TACC2: variants seen among roughly 807,000 people sequenced by gnomAD.
TACC2 encodes transforming acidic coiled-coil-containing protein 2.
TACC2 carries 137 observed loss-of-function variants against 227.3 expected under a neutral mutation model. The observed-to-expected ratio is 0.60, with a 90% CI of 0.52 to 0.69. TACC2 has a LOEUF of 0.69. Ranked by LOEUF, TACC2 falls within the 30% of genes least tolerant of loss-of-function variation. The probability of loss-of-function intolerance (pLI) is 0.00; values close to 1 mark genes in which losing one functional copy is unlikely to be tolerated. For synonymous variants in TACC2, 1,523 were observed against 1,487.5 expected, an observed-to-expected ratio of 1.02 and a Z score of -0.55; for missense variants, 3,470 against 3,694.4, an observed-to-expected ratio of 0.94 and a Z score of 1.57.
intron 11 of TACC2, among the ~76,000 whole-genome samples, chr10:122,217,378 C>T (rs1418615565): frequency 1.3e-5 from 2 of 151,468 alleles, no homozygotes; most frequent in African/African-American, 4.8e-5. Context: ...TTGCTTATCT[C>T]AATATCCTTC....
chr10:122,233,661 G>A (rs2095801638), intron 16 of TACC2, among the ~76,000 whole-genome samples: 1 of 152,218 alleles, frequency 6.6e-6, no homozygotes, highest in Admixed American at 6.5e-5. Flanking sequence ...AGGTTCAAAA[G>A]GAGGGAGACG....
chr10:122,235,141 C>T (rs2095833523), intron 16 of TACC2, among the ~76,000 whole-genome samples: 1 of 152,194 alleles, frequency 6.6e-6, no homozygotes, highest in Non-Finnish European at 1.5e-5. Context: ...GGCTGGAGTG[C>T]AGTGGCGCGA....
chr10:122,089,299 C>T lies in TACC2; in HGVS notation c.5573+708C>T, dbSNP rs113201254. On this transcript the variant is annotated intron_variant, in intron 5 of 22. Transcript: ENST00000369005. The stretch of plus-strand genomic sequence containing the variant: ...ATCATACCCCAGCCCCCACACCCGC[C>T]GCATCATCTCTAGGCACCCATTCAT... Among the ~76,000 whole-genome samples the T allele has an allele frequency of 8.5e-5, 13 of 152,264 alleles. 1 individual carries two copies. The highest frequency in any genetic ancestry group is 3.1e-4 in the African/African-American group (13 of 41,550).
intron 3 of TACC2, among the ~76,000 whole-genome samples, chr10:122,075,200 A>AAAGAAAG (rs1554997868): frequency 2.2e-4 from 27 of 122,374 alleles, no homozygotes; most frequent in Admixed American, 5.6e-4. Context: ...AAAAAAAAAA[A>AAAGAAAG]AAAGAAAGAA....
At chr10:122,057,524 C>T (rs963459616) in intron 3 of TACC2, among the ~76,000 whole-genome samples, 8 of 151,962 alleles carry the variant, frequency 5.3e-5, no homozygotes, top group South Asian at 2.1e-4. Context: ...TAAGTTTGGC[C>T]GGGCACGGTG....
chr10:122,017,479 G>T (rs1344638448), intron 1 of TACC2, among the ~76,000 whole-genome samples: 1 of 151,558 alleles, frequency 6.6e-6, no homozygotes, highest in Non-Finnish European at 1.5e-5. Context: ...TTCCCAATTG[G>T]CTCATTCAAG....
Position 122,210,622 on chromosome 10 carries a change from T to C in TACC2, c.6197T>C (p.Val2066Ala). 6.2e-7 allele frequency: 1 copy of C among 1,613,888 alleles called. No individual in the cohort carries two copies. The highest frequency in any genetic ancestry group is 8.5e-7 in the Non-Finnish European group (1 of 1,179,974). ...GACGCTAAGAATCAGGAGGGCAAAG[T>C]GAACACACGGAGGAAGTCCACGGAT... ...ASDAKNQEGK[V>A]NTRRKSTDSV... Residue 2066 changes from valine to alanine, a missense_variant, in exon 9 of 23, where the codon GTG (valine) becomes GCG (alanine). Val to Ala is a moderately conservative substitution (Grantham distance 64). Transcript: ENST00000369005. This position sits in a 1 kb window ranked among gnomAD's most constrained non-coding sequence, Gnocchi z 4.6.
At chr10:122,182,797 A>G (rs757347400) in intron 7 of TACC2, among the ~76,000 whole-genome samples, 13 of 152,172 alleles carry the variant, frequency 8.5e-5, no homozygotes, top group Non-Finnish European at 1.9e-4. Context: ...GCGTGGAGAA[A>G]GAAAGGTAGA....
At chr10:122,235,150 G>T (rs564889683) in intron 16 of TACC2, among the ~76,000 whole-genome samples, 1 of 152,140 alleles carries the variant, frequency 6.6e-6, no homozygotes, top group Non-Finnish European at 1.5e-5. Context: ...GCAGTGGCGC[G>T]ATCTCAGCTC....
Position 122,084,460 on chromosome 10 carries a change from G to T in TACC2, c.1960G>T (p.Ala654Ser), listed in dbSNP as rs1161001710. The T allele has an allele frequency of 1.2e-6, 2 of 1,613,076 alleles. No homozygotes were observed. Among genetic ancestry groups the T allele is most frequent in the Non-Finnish European group, 1.7e-6 (2 of 1,180,014 alleles). ...TDGPHSQTAE[A>S]DASGLPHKLG... The stretch of plus-strand genomic sequence containing the variant: ...CGGGCCCCACTCTCAGACAGCAGAG[G>T]CTGATGCATCTGGCCTACCACACAA... Residue 654 changes from alanine to serine, a missense_variant, in exon 4 of 23, where the codon GCT (alanine) becomes TCT (serine). Transcript: ENST00000369005.
At chr10:122,000,063 T>C (rs577256698) in intron 1 of TACC2, among the ~76,000 whole-genome samples, 3 of 152,318 alleles carry the variant, frequency 2.0e-5, no homozygotes, top group African/African-American at 7.2e-5. Context: ...ACACCAGGTC[T>C]CATGTATGAA....
At chr10:122,048,032 G>A (rs77119292) in intron 2 of TACC2, among the ~76,000 whole-genome samples, 4,314 of 152,318 alleles carry the variant, frequency 0.028, 198 homozygotes, top group African/African-American at 0.095. Flanking sequence ...AAGCTAGCTT[G>A]CTCTTCGGGC....
chr10:122,059,221 CTG>C (rs2076538916), intron 3 of TACC2, among the ~76,000 whole-genome samples: 1 of 152,018 alleles, frequency 6.6e-6, no homozygotes, highest in African/African-American at 2.4e-5. Context: ...CGGGCTCCAT[CTG>C]TGTTTTTAAT....
At position 122,171,437 on chromosome 10, in the gene TACC2, G is replaced by A. The variant is rs572876191; in HGVS notation, c.5835-23603G>A. ...CACAGTGGCTCTGTGTCCTTATGGGGCCGAGAACTCAGGCCAGCTGCTGGG... is the reference window on the plus strand; with the variant it reads ...CACAGTGGCTCTGTGTCCTTATGGGACCGAGAACTCAGGCCAGCTGCTGGG... On this transcript the variant is annotated intron_variant, in intron 7 of 22. Transcript: ENST00000369005. Among the ~76,000 whole-genome samples, 10 of 152,320 alleles carry A rather than the reference G, an allele frequency of 6.6e-5. No individual in the cohort carries two copies. In the East Asian group the frequency reaches 1.9e-3, roughly 29 times the overall value.
chr10:122,076,710 A>G (rs1591739801), intron 3 of TACC2, among the ~76,000 whole-genome samples: 1 of 130,784 alleles, frequency 7.6e-6, no homozygotes, highest in Non-Finnish European at 1.7e-5. Flanking sequence ...CAGAAGTATT[A>G]AAAAAAAAAA....
At chr10:122,203,762 C>T (rs2094983128) in intron 8 of TACC2, among the ~76,000 whole-genome samples, 4 of 152,210 alleles carry the variant, frequency 2.6e-5, no homozygotes, top group South Asian at 2.1e-4. Context: ...GGGTGGCGGC[C>T]GGGCAGAGGC....
intron 2 of TACC2, chr10:122,033,013 C>A (rs5788529): frequency 0.16 from 29,598 of 179,892 alleles, 1,372 homozygotes; most frequent in East Asian, 0.4. Flanking sequence ...AACAAAAAAA[C>A]CCCACAAAAA....
chr10:122,170,493 G>C (rs1478775537), intron 7 of TACC2, among the ~76,000 whole-genome samples: 5 of 151,734 alleles, frequency 3.3e-5, no homozygotes, highest in Non-Finnish European at 5.9e-5. Context: ...GTAGAGACGG[G>C]GTTTCATCAT....
At chr10:122,168,266 C>T (rs1055992689) in intron 7 of TACC2, among the ~76,000 whole-genome samples, 8 of 152,128 alleles carry the variant, frequency 5.3e-5, no homozygotes, top group African/African-American at 1.9e-4. Flanking sequence ...TTAGCTTAAA[C>T]GACAGCATTC....
Sources: gnomAD v4.1 joint callset for allele counts (sites outside exome capture counted in the v4.1 genomes callset) on GRCh38, gnomAD v4.1.1 for gene constraint, Gnocchi (gnomAD v3.1) non-coding constraint, MANE v1.5 for transcripts, NCBI Gene and HGNC (gene_info 2026-07-23, HGNC 2026-07-21) for gene names.